The following CHN2 variants were observed in gnomAD, a reference collection of about 807,000 sequenced individuals.
CHN2 encodes beta-chimaerin.
Under a neutral mutation model 56.3 loss-of-function variants are expected in CHN2, and 35 were observed. The observed-to-expected ratio is 0.62, with a 90% confidence interval of 0.47 to 0.82. The LOEUF (loss-of-function observed/expected upper bound fraction) is 0.82. Among genes scored for constraint, CHN2 ranks in the 40% least tolerant of loss-of-function variants. CHN2 has a pLI of 0.00. For synonymous variants in CHN2, 210 were observed against 212.8 expected (o/e 0.99, Z 0.12); for missense variants, 491 against 580.5 (o/e 0.85, Z 1.58).
At chr7:29,446,948 C>T (rs1041077370) in intron 6 of CHN2, among the ~76,000 whole-genome samples, 4 of 152,124 alleles carry the variant, frequency 2.6e-5, no homozygotes, top group African/African-American at 7.2e-5. Context: ...GCTCCAGATC[C>T]GCCCGGCAGA....
At chr7:29,407,654 G>A (rs1029637114) in intron 6 of CHN2, among the ~76,000 whole-genome samples, 5 of 152,304 alleles carry the variant, frequency 3.3e-5, no homozygotes, top group African/African-American at 9.6e-5. Flanking sequence ...CCCTGATGAT[G>A]CTGACCAGCC....
chr7:29,498,421 T>C (rs1338983765), intron 8 of CHN2, among the ~76,000 whole-genome samples: 1 of 152,226 alleles, frequency 6.6e-6, no homozygotes, highest in African/African-American at 2.4e-5. Flanking sequence ...GTTGAATTTC[T>C]CATGTTGATA....
At chr7:29,451,017 C>T (rs1185834878) in intron 6 of CHN2, among the ~76,000 whole-genome samples, 3 of 152,174 alleles carry the variant, frequency 2.0e-5, no homozygotes, top group African/African-American at 7.2e-5. Context: ...GATCTACCCA[C>T]CTCGGCCTCC....
chr7:29,282,851 C>A (rs1053809929), intron 1 of CHN2, among the ~76,000 whole-genome samples: 1 of 151,846 alleles, frequency 6.6e-6, no homozygotes, highest in African/African-American at 2.4e-5. Context: ...ATAAATCTTC[C>A]AGTGTAAAAA....
chr7:29,295,346 C>G (rs1012286086), intron 1 of CHN2, among the ~76,000 whole-genome samples: 1 of 150,634 alleles, frequency 6.6e-6, no homozygotes, highest in African/African-American at 2.5e-5. Flanking sequence ...CACACACACA[C>G]AGATTATAAA....
At chr7:29,278,071 C>G (rs946457436) in intron 1 of CHN2, among the ~76,000 whole-genome samples, 13 of 152,216 alleles carry the variant, frequency 8.5e-5, no homozygotes, top group Non-Finnish European at 1.5e-4. Context: ...GCTGAACCAC[C>G]TTGTCTGTGA....
chr7:29,216,797 C>T (rs1448798409), intron 1 of CHN2, among the ~76,000 whole-genome samples: 4 of 152,258 alleles, frequency 2.6e-5, no homozygotes, highest in South Asian at 2.1e-4. Context: ...TGAATCAGAA[C>T]GAAGGGGAAA....
intron 1 of CHN2, among the ~76,000 whole-genome samples, chr7:29,305,728 A>G (rs1794086992): frequency 6.7e-6 from 1 of 149,128 alleles, no homozygotes; most frequent in South Asian, 2.2e-4. Flanking sequence ...ACTCTTCTGA[A>G]AAAGAATGTG....
chr7:29,371,213 G>C (rs529582217), intron 3 of CHN2, among the ~76,000 whole-genome samples: 1 of 152,266 alleles, frequency 6.6e-6, no homozygotes, highest in South Asian at 2.1e-4. Flanking sequence ...GTAAGGGTAA[G>C]AGGCAGTGAT....
Position 29,480,371 on chromosome 7 carries a change from G to T in CHN2, c.654+15G>T. 1 of 1,612,474 alleles carries T rather than the reference G, an allele frequency of 6.2e-7. No individual in the cohort carries two copies. Among genetic ancestry groups the T allele is most frequent in the Non-Finnish European group, 8.5e-7 (1 of 1,178,460 alleles). ...ACAACTTTAAGGTAAGCAAGCCTCT[G>T]CATTCCTTCTTCTGTTACAAAAGGG... On this transcript the variant is annotated intron_variant, in intron 7 of 12. Coordinates refer to ENST00000222792, the MANE Select transcript of CHN2 (RefSeq NM_004067.4).
At chr7:29,195,629 A>AGAGAGAGAGAGAGAGAGTGTGTGTGT (rs869037854) in intron 1 of CHN2, among the ~76,000 whole-genome samples, 3 of 117,580 alleles carry the variant, frequency 2.6e-5, no homozygotes, top group South Asian at 2.9e-4. Flanking sequence ...AGAGAGAGAG[A>AGAGAGAGAGAGAGAGAGTGTGTGTGT]GTGTGTGTGT....
chr7:29,239,953 T>A (rs1162393394), intron 1 of CHN2, among the ~76,000 whole-genome samples: 1 of 152,208 alleles, frequency 6.6e-6, no homozygotes, highest in Non-Finnish European at 1.5e-5. Context: ...ATGCATAATC[T>A]GCTAATTTTT....
chr7:29,176,001 A>G (rs1482096833), intron 2 of CHN2, among the ~76,000 whole-genome samples: 1 of 152,148 alleles, frequency 6.6e-6, no homozygotes, highest in African/African-American at 2.4e-5. Context: ...CCTGACTAAC[A>G]CGGTGAAACC....
intron 6 of CHN2, among the ~76,000 whole-genome samples, chr7:29,404,716 T>C (rs1172346555): frequency 6.6e-6 from 1 of 152,164 alleles, no homozygotes; most frequent in Non-Finnish European, 1.5e-5. Context: ...TATTGATTTT[T>C]ATTTTAAAAT....
chr7:29,195,818 C>G (rs1185383544), intron 1 of CHN2, among the ~76,000 whole-genome samples: 1 of 152,042 alleles, frequency 6.6e-6, no homozygotes, highest in Non-Finnish European at 1.5e-5. Context: ...AAAAAAATTG[C>G]TAATGAATCT....
At position 29,385,096 on chromosome 7, in the gene CHN2, T is replaced by C. The variant is rs185414256; in HGVS notation, c.145-8583T>C. ...TTACTGACATTTTAGTCTGTTCCATTTTGTATTCATCTGATATATTTCCTT... is the reference window on the plus strand; with the variant it reads ...TTACTGACATTTTAGTCTGTTCCATCTTGTATTCATCTGATATATTTCCTT... On this transcript the variant is annotated intron_variant, in intron 3 of 12. Transcript: ENST00000222792. 7.0e-4 allele frequency among the ~76,000 whole-genome samples: 107 copies of C among 152,328 alleles called. 1 individual carries two copies. Among genetic ancestry groups the C allele is most frequent in the Admixed American group, 3.7e-3 (56 of 15,298 alleles).
At chr7:29,221,266 T>G (rs1030959138) in intron 1 of CHN2, among the ~76,000 whole-genome samples, 6 of 152,192 alleles carry the variant, frequency 3.9e-5, no homozygotes, top group Non-Finnish European at 8.8e-5. Flanking sequence ...TTTCCACAAA[T>G]GATGTAATTA....
In CHN2 at chr7:29,370,728, T is replaced by A. The variant is rs146467712; in HGVS notation, c.144+2741T>A. ...CAAGCAAAGTGTGCAATTAGAGAGA[T>A]GTGGAACAGTGTCCCTCTAAGGTAT... is the stretch of plus-strand genomic sequence containing the variant. On this transcript the variant is annotated intron_variant, in intron 3 of 12. Coordinates refer to ENST00000222792, the MANE Select transcript of CHN2 (RefSeq NM_004067.4). Among the ~76,000 whole-genome samples the A allele has an allele frequency of 7.2e-5, 11 of 152,228 alleles. No individual in the cohort carries two copies. The East Asian group carries it at 1.9e-3, about 27-fold the overall frequency.
chr7:29,402,782 G>A (rs1802320534), intron 6 of CHN2, among the ~76,000 whole-genome samples: 1 of 152,216 alleles, frequency 6.6e-6, no homozygotes, highest in South Asian at 2.1e-4. Flanking sequence ...TCCCTGAGAG[G>A]GAAGTTTGGT....
Sources: allele counts gnomAD v4.1 joint callset (sites outside exome capture counted in the v4.1 genomes callset), GRCh38; gene constraint gnomAD v4.1.1; transcripts MANE v1.5; gene names NCBI Gene and HGNC (gene_info 2026-07-23, HGNC 2026-07-21).